The following INCA1 variants were observed in gnomAD, a reference collection of about 807,000 sequenced individuals.
INCA1 encodes the protein inhibitor of CDK, cyclin A1 interacting protein 1.
INCA1 carries 28 observed loss-of-function variants against 25.7 expected under a neutral mutation model. That is an observed-to-expected ratio of 1.09 (90% CI 0.81 to 1.49). INCA1 has a LOEUF of 1.49. Ranked by LOEUF, INCA1 falls within the 40% of genes most tolerant of loss-of-function variation. The pLI is 0.00. For missense variants in INCA1, 309 were observed against 290.9 expected (o/e 1.06, Z -0.45); for synonymous variants, 111 against 103.6 (o/e 1.07, Z -0.43).
intron 2 of INCA1, among the ~76,000 whole-genome samples, 160 bp downstream of exon 2, chr17:4,994,234 G>A (rs1218402503): frequency 6.6e-6 from 1 of 152,208 alleles, no homozygotes; most frequent in Non-Finnish European, 1.5e-5. Context: ...ACATTGTAGT[G>A]TTCAAACTAT....
intron 2 of INCA1, 83 bp downstream of exon 2, chr17:4,994,311 C>G (rs1974077330): frequency 7.8e-7 from 1 of 1,289,446 alleles, no homozygotes; most frequent in Admixed American, 1.7e-5. Flanking sequence ...TTCTTTATTT[C>G]CTAATCCTCT....
At chr17:4,994,102 A>G (rs1231176371) in intron 2 of INCA1, among the ~76,000 whole-genome samples, 2 of 152,100 alleles carry the variant, frequency 1.3e-5, no homozygotes, top group Admixed American at 6.6e-5. Context: ...AGTACCCATC[A>G]TTAGCTGAAA....
chr17:4,991,065 C>A (rs1293173401), intron 2 of INCA1, among the ~76,000 whole-genome samples: 1 of 151,550 alleles, frequency 6.6e-6, no homozygotes, highest in Admixed American at 6.6e-5. Flanking sequence ...ATTACAGGCA[C>A]CCACTACCAC....
exon 6 of INCA1, chr17:4,988,812 T>C: frequency 6.2e-7 from 1 of 1,614,232 alleles, no homozygotes; most frequent in Non-Finnish European, 8.5e-7. Context: ...AACGGTCCTC[T>C]TCCTGTGGAT....
chr17:4,996,351 C>T (rs866476302), intron 1 of INCA1, among the ~76,000 whole-genome samples: 1 of 151,186 alleles, frequency 6.6e-6, no homozygotes, highest in Non-Finnish European at 1.5e-5. Context: ...CACTGCACTC[C>T]AGCCTAGGCG....
chr17:4,990,003 C>G (rs1973743240), intron 3 of INCA1, 74 bp from the exon 4 acceptor site: 1 of 1,611,940 alleles, frequency 6.2e-7, no homozygotes, highest in Non-Finnish European at 8.5e-7. Context: ...AATAATCTCT[C>G]CCGACCTCCT....
chr17:4,991,274 C>A (rs1168786820), intron 2 of INCA1, among the ~76,000 whole-genome samples: 1 of 152,130 alleles, frequency 6.6e-6, no homozygotes, highest in Non-Finnish European at 1.5e-5. Context: ...TCAAAGCCAT[C>A]CTAGGCCGCA....
chr17:4,992,712 C>T (rs1475728778), intron 2 of INCA1, among the ~76,000 whole-genome samples: 3 of 137,332 alleles, frequency 2.2e-5, no homozygotes, highest in Admixed American at 7.3e-5. Flanking sequence ...CTCCCTCCCT[C>T]CCTTCTTTCT....
At chr17:4,988,660 C>G (rs548042187) in intron 6 of INCA1, 106 bp from the exon 7 acceptor site, 1 of 1,568,646 alleles carries the variant, frequency 6.4e-7, no homozygotes, top group Non-Finnish European at 8.7e-7. Flanking sequence ...TTCTCACCTA[C>G]GTTATTTTTG....
intron 1 of INCA1, among the ~76,000 whole-genome samples, chr17:4,996,167 T>C (rs1974241420): frequency 6.6e-6 from 1 of 151,814 alleles, no homozygotes; most frequent in Admixed American, 6.6e-5. Context: ...GGTGGATTGC[T>C]CGAGCCCAGG....
At chr17:4,989,393 A>C (rs757195400) in intron 5 of INCA1, 35 bp downstream of exon 5, 1 of 1,583,754 alleles carries the variant, frequency 6.3e-7, no homozygotes, top group Non-Finnish European at 8.6e-7. Flanking sequence ...CAAATCCTGC[A>C]TGACTCCCAG....
chr17:4,992,426 C>T (rs556974650), intron 2 of INCA1, among the ~76,000 whole-genome samples: 1 of 151,608 alleles, frequency 6.6e-6, no homozygotes, highest in African/African-American at 2.4e-5. Context: ...GGACTACAGG[C>T]GTGTGCCACC....
At chr17:4,995,359 A>G (rs1974165058) in intron 1 of INCA1, among the ~76,000 whole-genome samples, 1 of 152,236 alleles carries the variant, frequency 6.6e-6, no homozygotes. Context: ...TACAGATGGC[A>G]GTTAAGCGAC....
At chr17:4,991,496 G>A (rs938645343) in intron 2 of INCA1, among the ~76,000 whole-genome samples, 2 of 152,198 alleles carry the variant, frequency 1.3e-5, no homozygotes, top group African/African-American at 4.8e-5. Flanking sequence ...AGTGTGCAGA[G>A]CTGTTTGAGA....
At chr17:4,990,015 T>G (rs781064526) in intron 3 of INCA1, 86 bp from the exon 4 acceptor site, 5 of 1,612,012 alleles carry the variant, frequency 3.1e-6, no homozygotes, top group Non-Finnish European at 4.2e-6. Flanking sequence ...CGACCTCCTT[T>G]CTGTCATTAG....
chr17:4,988,961 C>T lies in INCA1; in HGVS notation c.396-17G>A, dbSNP rs1410760779. ...TTCTTCAGTCTGTGGAGACTTTAGG[C>T]TGAGGAGAGAAGTGCCTGGAGGCCA... On this transcript the variant is annotated splice_polypyrimidine_tract_variant and intron_variant, in intron 5 of 6. Coordinates refer to ENST00000576820, the Ensembl canonical transcript of INCA1. 4 of 1,607,052 alleles carry T rather than the reference C, an allele frequency of 2.5e-6. No homozygotes were observed. The highest frequency in any genetic ancestry group is 1.7e-5 in the Admixed American group (1 of 59,092).
At chr17:4,992,392 C>T (rs1973932055) in intron 2 of INCA1, among the ~76,000 whole-genome samples, 1 of 151,968 alleles carries the variant, frequency 6.6e-6, no homozygotes, top group Admixed American at 6.6e-5. Context: ...AAGCAATCCT[C>T]CTGCCTCAGC....
intron 2 of INCA1, among the ~76,000 whole-genome samples, chr17:4,992,815 T>A (rs1216205857): frequency 6.7e-6 from 1 of 150,066 alleles, no homozygotes; most frequent in Non-Finnish European, 1.5e-5. Context: ...GCTCAAGCAA[T>A]CCTCCCACCT....
chr17:4,995,979 G>C (rs937048545), intron 1 of INCA1: 3 of 152,142 alleles, frequency 2.0e-5, no homozygotes, highest in Non-Finnish European at 4.4e-5. Context: ...TGGACATAAT[G>C]GTCAACTGGT....
Sources: gnomAD v4.1 joint callset for allele counts (sites outside exome capture counted in the v4.1 genomes callset) on GRCh38, gnomAD v4.1.1 for gene constraint, MANE v1.5 for transcripts, NCBI Gene and HGNC (gene_info 2026-07-23, HGNC 2026-07-21) for gene names.